Variants in CD8A observed in about 807,000 individuals in gnomAD.
CD8A encodes the protein CD8 subunit alpha, also known as T-cell surface glycoprotein CD8 alpha chain.
In CD8A, 25 loss-of-function variants were observed where a neutral mutation model predicts 24.2. The ratio of observed to expected loss-of-function variants is 1.03; its 90% CI spans 0.75 to 1.44. The LOEUF is 1.44. CD8A is among the 40% of genes most tolerant of loss of function. The pLI is 0.00. For missense variants in CD8A, 360 were observed against 319.7 expected (o/e 1.13, Z -0.96); for synonymous variants, 165 against 149.9 (o/e 1.10, Z -0.74).
chr2:86,802,275 T>G (rs537928293), intron 2 of CD8A, among the ~76,000 whole-genome samples: 7 of 152,300 alleles, frequency 4.6e-5, no homozygotes, highest in Non-Finnish European at 8.8e-5. Flanking sequence ...TGAACTCTAG[T>G]AATCTGCCTG....
chr2:86,804,150 C>A (rs1377247254), intron 2 of CD8A, among the ~76,000 whole-genome samples: 1 of 152,078 alleles, frequency 6.6e-6, no homozygotes, highest in Non-Finnish European at 1.5e-5. Context: ...ATATGTGTGT[C>A]TTATACCATG....
intron 2 of CD8A, among the ~76,000 whole-genome samples, chr2:86,805,945 CTTTT>C (rs940871411): frequency 4.0e-5 from 6 of 149,280 alleles, no homozygotes; most frequent in Middle Eastern, 3.4e-3. Flanking sequence ...CTCTCTCTTT[CTTTT>C]TCTTTTTCTC....
At chr2:86,793,868 T>TG (rs778528789), upstream of CD8A, among the ~76,000 whole-genome samples, 7 of 152,252 alleles carry the variant, frequency 4.6e-5, no homozygotes, top group Non-Finnish European at 1.0e-4. Context: ...TGTCAGCCAG[T>TG]GGGGTGGCAG....
Position 86,785,838 on chromosome 2 carries a change from C to G in CD8A, c.*82G>C. The G allele has an allele frequency of 1.0e-6, 1 of 1,003,582 alleles. No individual in the cohort carries two copies. Among genetic ancestry groups the G allele is most frequent in the Non-Finnish European group, 1.6e-6 (1 of 621,748 alleles). 62.2% of individuals were successfully genotyped at this position (1,003,582 alleles called of 1,614,324 possible). On this transcript the variant is annotated 3_prime_UTR_variant, in exon 6 of 6. Transcript: ENST00000283635. Reference sequence around the variant, plus strand: ...GAGAATGAATACACAGGGAGGAAGACTGGAAAAAATGAAAGGGAAGGACTT... The same window carrying G: ...GAGAATGAATACACAGGGAGGAAGAGTGGAAAAAATGAAAGGGAAGGACTT...
At chr2:86,789,494 C>G in intron 3 of CD8A, 61 bp from the exon 4 acceptor site, 1 of 1,423,338 alleles carries the variant, frequency 7.0e-7, no homozygotes, top group Non-Finnish European at 9.9e-7. Flanking sequence ...ACCGCCCCAC[C>G]GTCCCGGGAA....
At chr2:86,800,518 T>G (rs1054401574) in intron 3 of CD8A, among the ~76,000 whole-genome samples, 1 of 152,158 alleles carries the variant, frequency 6.6e-6, no homozygotes, top group Non-Finnish European at 1.5e-5. Context: ...GAATTTGTCT[T>G]GAAATTAAAT....
At chr2:86,789,073 C>G (rs1033288942) in intron 4 of CD8A, among the ~76,000 whole-genome samples, 2 of 152,214 alleles carry the variant, frequency 1.3e-5, no homozygotes, top group Non-Finnish European at 2.9e-5. Context: ...GCTTCGTCGA[C>G]GGAACACACC....
chr2:86,799,418 C>T (rs1299933637), intron 3 of CD8A, among the ~76,000 whole-genome samples: 2 of 152,114 alleles, frequency 1.3e-5, no homozygotes, highest in Admixed American at 1.3e-4. Flanking sequence ...TTAGAAATTG[C>T]CAAAGAATGC....
In CD8A at chr2:86,790,840, G is replaced by T. The variant is rs1052668153; in HGVS notation, c.-15C>A. On this transcript the variant is annotated 5_prime_UTR_variant, in exon 1 of 6. Transcript: ENST00000283635. ...GGTAAGGCCATGACGCGCTCCCCAG[G>T]ACGCTGCTTGGCTCGAAGCTCGGGC... 1 of 1,540,136 alleles carries T rather than the reference G, an allele frequency of 6.5e-7. No individual in the cohort carries two copies. The highest frequency in any genetic ancestry group is 8.7e-7 in the Non-Finnish European group (1 of 1,147,204).
chr2:86,785,953 T>A lies in CD8A; in HGVS notation c.675A>T (p.Gly225=). 1 of 1,613,928 alleles carries A rather than the reference T, an allele frequency of 6.2e-7. No individual in the cohort carries two copies. Among genetic ancestry groups the A allele is most frequent in the African/African-American group, 1.3e-5 (1 of 75,028 alleles). ...CKCPRPVVKS[G]DKPSLSARYV ...ATCTCGCCGAAAGGCTGGGCTTGTC[T>A]CCCGATTTGACCACAGGCCTGAAAG... The change falls in exon 6 of 6, where the codon GGA becomes GGT. Residue 225 remains glycine (G), a synonymous_variant. Transcript: ENST00000283635.
chr2:86,795,336 A>G (rs919207765), upstream of CD8A, among the ~76,000 whole-genome samples: 1 of 152,178 alleles, frequency 6.6e-6, no homozygotes, highest in Admixed American at 6.5e-5. Context: ...GGCTTCACAT[A>G]TAGTTGGGTT....
chr2:86,793,823 G>T (rs182838870), upstream of CD8A, among the ~76,000 whole-genome samples: 1 of 152,308 alleles, frequency 6.6e-6, no homozygotes, highest in Non-Finnish European at 1.5e-5. Flanking sequence ...ACGGAAATCA[G>T]CTTGGGGGCC....
At chr2:86,799,649 G>A (rs1171750242) in intron 3 of CD8A, among the ~76,000 whole-genome samples, 4 of 152,116 alleles carry the variant, frequency 2.6e-5, no homozygotes, top group East Asian at 1.9e-4. Flanking sequence ...CCAGCGACTC[G>A]GGAGGCTGCG....
chr2:86,787,079 C>A (rs995108960), intron 5 of CD8A, among the ~76,000 whole-genome samples: 19 of 119,768 alleles, frequency 1.6e-4, no homozygotes, highest in Admixed American at 6.5e-4. Flanking sequence ...CTTCCCCCCC[C>A]ACTTTTTTTT....
At chr2:86,807,361 A>C (rs1456842423) in intron 2 of CD8A, 1 of 152,288 alleles carries the variant, frequency 6.6e-6, no homozygotes, top group Non-Finnish European at 1.5e-5. Flanking sequence ...ACAACAAAAA[A>C]ATTCATTTGG....
In CD8A at chr2:86,788,650, TTGC is replaced by T; in HGVS notation, c.626-93_626-91del. 4.1e-6 allele frequency: 5 copies of T among 1,234,532 alleles called. No individual in the cohort carries two copies. In the Middle Eastern group the frequency reaches 7.5e-4, roughly 185 times the overall value. The allele number at this position is 1,234,532 out of a possible 1,614,324, so 76.5% of individuals were successfully genotyped here. ...GTATTTTTTGTTGTTGCTGTTGTTG[TTGC>T]TGCTGTTTTTTGGTTTTACAAAAAA... On this transcript the variant is annotated intron_variant, in intron 4 of 5. Transcript: ENST00000283635.
Position 86,785,138 on chromosome 2 carries a change from T to C in CD8A, c.*782A>G, listed in dbSNP as rs1558732443. 1 of 454,100 alleles carries C rather than the reference T, an allele frequency of 2.2e-6. No individual in the cohort carries two copies. The highest frequency in any genetic ancestry group is 2.3e-5 in the Admixed American group (1 of 42,580). 28.1% of individuals were successfully genotyped at this position (454,100 alleles called of 1,614,324 possible). A position where few individuals can be genotyped will look rare whatever the true frequency, so the allele number is the denominator to read the frequency against. ...TCCTCTTTCATGGGCCCCTCTGCAA[T>C]GCAAGGGCTGGGAGAGCAATTCCGC... On this transcript the variant is annotated 3_prime_UTR_variant, in exon 6 of 6. Coordinates refer to ENST00000283635, the MANE Select transcript of CD8A (RefSeq NM_001768.7).
chr2:86,801,332 CTCTT>C (rs1330860513), intron 3 of CD8A, among the ~76,000 whole-genome samples: 1 of 151,398 alleles, frequency 6.6e-6, no homozygotes, highest in Non-Finnish European at 1.5e-5. Flanking sequence ...CTTTCTCTCT[CTCTT>C]TTTCCCTTTC....
At chr2:86,794,608 T>C (rs1456297290), upstream of CD8A, among the ~76,000 whole-genome samples, 2 of 152,220 alleles carry the variant, frequency 1.3e-5, no homozygotes, top group Admixed American at 1.3e-4. Context: ...CAAGTTCATC[T>C]AGCTGCTGTC....
Sources: allele counts gnomAD v4.1 joint callset (sites outside exome capture counted in the v4.1 genomes callset), GRCh38; gene constraint gnomAD v4.1.1; transcripts MANE v1.5; gene names NCBI Gene and HGNC (gene_info 2026-07-23, HGNC 2026-07-21).